Variants in UNKL observed in about 807,000 individuals in gnomAD.
UNKL encodes unk like zinc finger, also known as putative E3 ubiquitin-protein ligase UNKL.
UNKL carries 60 observed loss-of-function variants against 78.0 expected under a neutral mutation model. The ratio of observed to expected loss-of-function variants is 0.77; its 90% CI spans 0.63 to 0.95. The LOEUF (loss-of-function observed/expected upper bound fraction) is 0.95. UNKL is among the 40% of genes least tolerant of loss of function. The pLI, the probability that UNKL is intolerant of heterozygous loss-of-function variation, is 0.00. For synonymous variants in UNKL, 608 were observed against 474.8 expected (o/e 1.28, Z -3.65); for missense variants, 1,159 against 1,045.7 (o/e 1.11, Z -1.49).
chr16:1,368,092 G>A (rs1029260281), intron 12 of UNKL: 1,765 of 490,992 alleles, frequency 3.6e-3, no homozygotes, highest in South Asian at 0.017. Context: ...CCAGATCTAC[G>A]CCTTCCTGGC....
chr16:1,397,218 T>C lies in UNKL; in HGVS notation c.812A>G (p.Gln271Arg), dbSNP rs1356232188. The part of the protein sequence containing the change: ...PSRCDGGDGC[Q>R]YCHSRTEQQF... Reference sequence around the variant, plus strand: ...CTGCTCCGTGCGGGAGTGGCAATACTGGCAGCCGTCGCCGCCATCGCAGCG... The same window carrying C: ...CTGCTCCGTGCGGGAGTGGCAATACCGGCAGCCGTCGCCGCCATCGCAGCG... Residue 271 changes from glutamine to arginine, a missense_variant, in exon 6 of 15, where the codon CAG becomes CGG. Transcript: ENST00000389221. 1 of 1,546,482 alleles carries C rather than the reference T, an allele frequency of 6.5e-7. No individual in the cohort carries two copies. The highest frequency in any genetic ancestry group is 2.4e-5 in the East Asian group (1 of 40,924).
chr16:1,368,995 C>G (rs1030681851), intron 12 of UNKL, among the ~76,000 whole-genome samples: 4 of 151,832 alleles, frequency 2.6e-5, no homozygotes, highest in African/African-American at 7.2e-5. Context: ...GACCACCCAC[C>G]TCGACCTCCC....
chr16:1,367,155 A>G lies in UNKL; in HGVS notation c.1983T>C (p.Ile661=). ...GLRGCGDIGT[I]PLPKLHSLQS... The stretch of plus-strand genomic sequence containing the variant: ...GCAGCGAGTGCAGCTTCGGCAGGGG[A>G]ATGGTGCCGATGTCCCCACAGCCCC... Residue 661 remains isoleucine, a synonymous_variant, in exon 14 of 15, where the codon ATT becomes ATC. Transcript: ENST00000389221. The G allele has an allele frequency of 6.2e-7, 1 of 1,603,222 alleles. No homozygotes were observed. The highest frequency in any genetic ancestry group is 8.5e-7 in the Non-Finnish European group (1 of 1,177,114).
chr16:1,379,575 C>T (rs1281852860), intron 10 of UNKL: 1 of 985,324 alleles, frequency 1.0e-6, no homozygotes. Context: ...TCCTGACCGC[C>T]GAGTAACGAG....
chr16:1,385,495 T>G, intron 9 of UNKL, 110 bp from the exon 10 acceptor site: 1 of 1,153,650 alleles, frequency 8.7e-7, no homozygotes, highest in Non-Finnish European at 1.1e-6. Flanking sequence ...TTCTACGCCC[T>G]GGCGAGGCCC....
rs752481903 is a variant in UNKL, at chr16:1,385,362, C to G, written c.1110G>C (p.Ala370=). Residue 370 remains alanine (A), a synonymous_variant, in exon 10 of 15, where the codon GCG becomes GCC. Coordinates refer to ENST00000389221, the MANE Select transcript of UNKL (RefSeq NM_001372107.1). ...TCACGCTGGGGGCCGGCGGGTGGAC[C>G]GCTGCAAACACGGCCAGGTGGTTCT... ...SKQNHLAVFA[A]VHPPAPSVSS... is the part of the protein sequence containing the mutation. 7.1e-7 allele frequency: 1 copy of G among 1,410,336 alleles called. No homozygotes were observed. The highest frequency in any genetic ancestry group is 9.2e-7 in the Non-Finnish European group (1 of 1,085,322). The allele number at this position is 1,410,336 out of a possible 1,614,324, so 87.4% of individuals were successfully genotyped here. A position where few individuals can be genotyped will look rare whatever the true frequency, so the allele number is the denominator to read the frequency against.
chr16:1,366,377 C>T lies in UNKL; in HGVS notation c.2065G>A (p.Ala689Thr), dbSNP rs138682632. 3.8e-6 allele frequency: 6 copies of T among 1,595,656 alleles called. No individual in the cohort carries two copies. Among genetic ancestry groups the T allele is most frequent in the South Asian group, 3.3e-5 (3 of 89,556 alleles). Residue 689 changes from alanine to threonine, a missense_variant, in exon 15 of 15, where the codon GCC (alanine) becomes ACC (threonine). Transcript: ENST00000389221. ...TCCCGGCAGGCCACACACTGCTTGG[C>T]GCGGAGCTGGAAGATCACCTGCAGG... is the stretch of plus-strand genomic sequence containing the variant. ...AVDGVIFQLR[A>T]KQCVACRERA...
At chr16:1,382,786 C>T (rs1372577041) in intron 10 of UNKL, among the ~76,000 whole-genome samples, 1 of 150,434 alleles carries the variant, frequency 6.6e-6, no homozygotes, top group Non-Finnish European at 1.5e-5. Context: ...GGTGAAACCT[C>T]ATCTCTACTA....
rs947674268 is a variant in UNKL at position 1,363,248 on chromosome 16, C to T, written c.*2992G>A. The stretch of plus-strand genomic sequence containing the variant: ...TTAATTCCCATACTGATAAAAATAA[C>T]TCCATGAATTCTGTAAACCATTGCA... On this transcript the variant is annotated 3_prime_UTR_variant, in exon 15 of 15. Coordinates refer to ENST00000389221, the MANE Select transcript of UNKL (RefSeq NM_001372107.1). 2.9e-6 allele frequency: 2 copies of T among 698,808 alleles called. No homozygotes were observed. The highest frequency in any genetic ancestry group is 1.6e-5 in the South Asian group (1 of 63,874). 43.3% of individuals were successfully genotyped at this position (698,808 alleles called of 1,614,324 possible).
At chr16:1,374,639 C>T (rs886172709) in intron 10 of UNKL, among the ~76,000 whole-genome samples, 9 of 152,084 alleles carry the variant, frequency 5.9e-5, no homozygotes, top group African/African-American at 2.2e-4. Flanking sequence ...CATCGAGTCC[C>T]GCCCTCGCAG....
At chr16:1,368,592 G>C (rs1459979070) in intron 12 of UNKL, among the ~76,000 whole-genome samples, 4 of 99,176 alleles carry the variant, frequency 4.0e-5, no homozygotes, top group East Asian at 6.9e-4. Context: ...CTGGGCGACA[G>C]AATGAGACTC....
chr16:1,392,993 G>C lies in UNKL; in HGVS notation c.938-17C>G. ...CCAGGCTCTCTGCAAGGACAGGGGA[G>C]CAGCAGACTCTGAGGGCCGCTGGTG... On this transcript the variant is annotated splice_polypyrimidine_tract_variant and intron_variant, in intron 7 of 14. Coordinates refer to ENST00000389221, the MANE Select transcript of UNKL (RefSeq NM_001372107.1). 6.5e-7 allele frequency: 1 copy of C among 1,550,068 alleles called. No homozygotes were observed. The highest frequency in any genetic ancestry group is 8.7e-7 in the Non-Finnish European group (1 of 1,146,644).
chr16:1,369,108 A>G (rs1299708618), intron 12 of UNKL, among the ~76,000 whole-genome samples: 1 of 116,386 alleles, frequency 8.6e-6, no homozygotes, highest in Non-Finnish European at 1.6e-5. Context: ...CTCTATCGCC[A>G]GGCTGGATTG....
intron 2 of UNKL, among the ~76,000 whole-genome samples, chr16:1,406,861 G>A (rs2037787220): frequency 6.6e-6 from 1 of 152,080 alleles, no homozygotes; most frequent in South Asian, 2.1e-4. Flanking sequence ...CTCCTGGCCG[G>A]GCACAGTGGC....
intron 5 of UNKL, among the ~76,000 whole-genome samples, chr16:1,398,065 G>C (rs1010759050): frequency 3.9e-5 from 6 of 152,256 alleles, no homozygotes; most frequent in Non-Finnish European, 8.8e-5. Flanking sequence ...GAACGCAGGG[G>C]AGAAGCAGCC....
intron 14 of UNKL, among the ~76,000 whole-genome samples, 180 bp downstream of exon 14, chr16:1,366,912 C>A (rs75247992): frequency 0.047 from 1,005 of 21,210 alleles, 3 homozygotes; most frequent in Middle Eastern, 0.13. Context: ...CCCAGGGAGA[C>A]AGGCAAGGAG....
chr16:1,379,813 T>A (rs2036528040), intron 10 of UNKL: 1 of 627,526 alleles, frequency 1.6e-6, no homozygotes, highest in Non-Finnish European at 2.0e-6. Flanking sequence ...GCGCACCCGG[T>A]CCCCGCGGCT....
chr16:1,396,937 C>T lies in UNKL; in HGVS notation c.852+241G>A, dbSNP rs2037292101. On this transcript the variant is annotated intron_variant, in intron 6 of 14. Transcript: ENST00000389221. ...TTCTCTCTGCTTTTTTCCCACATGA[C>T]TCTTTCTTCTGTTACAGGCCAAGTG... 7.4e-6 allele frequency: 4 copies of T among 537,640 alleles called. No homozygotes were observed. The Middle Eastern group carries it at 1.4e-3, about 191-fold the overall frequency. The allele number at this position is 537,640 out of a possible 1,614,324, so 33.3% of individuals were successfully genotyped here. A position where few individuals can be genotyped will look rare whatever the true frequency, so the allele number is the denominator to read the frequency against.
At chr16:1,367,054 G>A (rs756901271) in intron 14 of UNKL, 38 bp downstream of exon 14, 5 of 1,481,616 alleles carry the variant, frequency 3.4e-6, no homozygotes, top group South Asian at 1.3e-5. Context: ...AGCCCTGCAG[G>A]CAGGCTGGCC....
Sources: gnomAD v4.1 joint callset for allele counts (sites outside exome capture counted in the v4.1 genomes callset) on GRCh38, gnomAD v4.1.1 for gene constraint, MANE v1.5 for transcripts, NCBI Gene and HGNC (gene_info 2026-07-23, HGNC 2026-07-21) for gene names.